The following TRMT11 variants were observed in gnomAD, a reference collection of about 807,000 sequenced individuals.
The protein encoded by TRMT11 is tRNA (guanine(10)-N(2))-methyltransferase TRMT11.
A neutral mutation model predicts 62.8 loss-of-function variants in TRMT11; 53 were observed. The ratio of observed to expected loss-of-function variants is 0.84; its 90% confidence interval spans 0.68 to 1.06. The LOEUF (loss-of-function observed/expected upper bound fraction) is 1.06, where lower values mean the gene tolerates loss of function less well. TRMT11 is among the 50% of genes least tolerant of loss of function. The pLI is 0.00. For missense variants in TRMT11, 556 were observed against 553.4 expected (o/e 1.00, Z -0.05); for synonymous variants, 188 against 190.3 (o/e 0.99, Z 0.10).
At chr6:126,034,976 A>G (rs1018599320) in intron 12 of TRMT11, among the ~76,000 whole-genome samples, 1 of 152,128 alleles carries the variant, frequency 6.6e-6, no homozygotes, top group Non-Finnish European at 1.5e-5. Context: ...AGAGTTGAAT[A>G]TCATCGTCTC....
chr6:126,029,052 C>T (rs558994166), intron 12 of TRMT11, among the ~76,000 whole-genome samples: 244 of 152,246 alleles, frequency 1.6e-3, no homozygotes, highest in African/African-American at 5.7e-3. Flanking sequence ...GTGGAATCAA[C>T]ATAATCCTTT....
At chr6:126,100,896 T>G (rs1777392084) in intron 17 of TRMT11, among the ~76,000 whole-genome samples, 1 of 152,248 alleles carries the variant, frequency 6.6e-6, no homozygotes, top group African/African-American at 2.4e-5. Flanking sequence ...GGGGGTGATG[T>G]GAGACAGTGA....
intron 3 of TRMT11, among the ~76,000 whole-genome samples, chr6:126,200,771 T>C (rs1778726387): frequency 6.6e-6 from 1 of 152,132 alleles, no homozygotes; most frequent in Admixed American, 6.6e-5. Context: ...GCCAGGATGG[T>C]TTCAATCTCC....
chr6:126,127,468 A>G (rs1309626654), intron 21 of TRMT11, among the ~76,000 whole-genome samples: 1 of 152,016 alleles, frequency 6.6e-6, no homozygotes, highest in Non-Finnish European at 1.5e-5. Context: ...TTTTTATTTA[A>G]AGAAGAGCCA....
intron 12 of TRMT11, among the ~76,000 whole-genome samples, chr6:126,033,821 G>A (rs973047567): frequency 1.3e-5 from 2 of 152,140 alleles, no homozygotes; most frequent in Admixed American, 1.3e-4. Context: ...AGCCAGCAGA[G>A]GGTAGTGTAC....
intron 17 of TRMT11, among the ~76,000 whole-genome samples, chr6:126,056,512 A>G (rs1304375528): frequency 6.6e-6 from 1 of 152,170 alleles, no homozygotes; most frequent in African/African-American, 2.4e-5. Flanking sequence ...ACCTAAGCAA[A>G]GAATGTGACC....
intron 7 of TRMT11, among the ~76,000 whole-genome samples, chr6:126,000,987 A>G (rs144980007): frequency 6.6e-6 from 1 of 152,212 alleles, no homozygotes; most frequent in Non-Finnish European, 1.5e-5. Flanking sequence ...ATTTGGCCTC[A>G]TTTGTTTTAT....
chr6:126,175,223 A>G (rs1778372030), upstream of TRMT11, among the ~76,000 whole-genome samples: 2 of 152,210 alleles, frequency 1.3e-5, no homozygotes, highest in South Asian at 4.1e-4. Flanking sequence ...TTAGCAATAG[A>G]TCAAGGTATA....
chr6:126,091,756 T>C (rs554112478), intron 17 of TRMT11, among the ~76,000 whole-genome samples: 1 of 152,312 alleles, frequency 6.6e-6, no homozygotes, highest in South Asian at 2.1e-4. Flanking sequence ...TTACATTCTT[T>C]GACATTGAAA....
chr6:126,116,772 T>G (rs1273745142), intron 21 of TRMT11, among the ~76,000 whole-genome samples: 1 of 152,094 alleles, frequency 6.6e-6, no homozygotes, highest in Non-Finnish European at 1.5e-5. Context: ...CATTTAACTT[T>G]ACAAACAGTT....
chr6:126,011,923 C>T (rs1054742578), intron 9 of TRMT11, among the ~76,000 whole-genome samples: 2 of 152,122 alleles, frequency 1.3e-5, no homozygotes, highest in African/African-American at 2.4e-5. Context: ...AACCACTGGG[C>T]CTGTGAACCT....
chr6:126,217,648 G>A, the TRMT11 span, among the ~76,000 whole-genome samples: 3 of 152,172 alleles, frequency 2.0e-5, no homozygotes, highest in Admixed American at 1.3e-4. Context: ...GGTGACACAA[G>A]CACCCCTGTA....
chr6:125,989,195 C>G (rs921861784), intron 1 of TRMT11, among the ~76,000 whole-genome samples: 5 of 137,472 alleles, frequency 3.6e-5, no homozygotes, highest in Non-Finnish European at 1.5e-5. Flanking sequence ...GTGGCGCGGT[C>G]TCGGCTCACT....
chr6:126,037,552 A>C (rs1176493950), intron 12 of TRMT11, among the ~76,000 whole-genome samples: 4 of 152,092 alleles, frequency 2.6e-5, no homozygotes, highest in South Asian at 2.1e-4. Flanking sequence ...ATAAAATTTC[A>C]GTAGCTACCT....
chr6:126,198,487 A>G (rs910379422), intron 1 of TRMT11, among the ~76,000 whole-genome samples: 2 of 152,040 alleles, frequency 1.3e-5, no homozygotes, highest in Non-Finnish European at 2.9e-5. Flanking sequence ...ATGGATTCCC[A>G]CCTGAACCTG....
At chr6:126,056,422 T>C (rs1391472508) in intron 17 of TRMT11, among the ~76,000 whole-genome samples, 2 of 152,132 alleles carry the variant, frequency 1.3e-5, no homozygotes, top group Admixed American at 6.6e-5. Context: ...AAAAGGTAGA[T>C]TTATTTTCTG....
At chr6:126,075,035 T>G (rs1412829877) in intron 17 of TRMT11, among the ~76,000 whole-genome samples, 2 of 152,176 alleles carry the variant, frequency 1.3e-5, no homozygotes, top group Non-Finnish European at 2.9e-5. Flanking sequence ...CAAAAAATCA[T>G]TTTAACATAA....
At position 126,151,937 on chromosome 6, in the gene TRMT11, T is replaced by TTCTTTCTTTC. The variant is rs1376995092; in HGVS notation, c.*1824-22879_*1824-22878insCTCTTTCTTT. On this transcript the variant is annotated intron_variant and NMD_transcript_variant, in intron 21 of 22. Coordinates refer to the TRMT11 transcript ENST00000648977. ...TTTCTTTCTTTCTTTCTTTCTTTCT[T>TTCTTTCTTTC]TCTTTCTTTTCTTTCTTTCTTTTCT... Among the ~76,000 whole-genome samples, 10 of 109,716 alleles carry TTCTTTCTTTC rather than the reference T, an allele frequency of 9.1e-5. 2 individuals carry two copies. The highest frequency in any genetic ancestry group is 1.8e-4 in the Admixed American group (2 of 11,334). 72.0% of individuals were successfully genotyped at this position (109,716 alleles called of 152,430 possible). A position where few individuals can be genotyped will look rare whatever the true frequency, so the allele number is the denominator to read the frequency against.
rs77600028 is a variant in TRMT11 at position 126,151,257 on chromosome 6, A to T, written c.*1824-23568A>T. ...ACGCTATGATGCCCTTTGAGAAAGA[A>T]CTATATAAATTTCATATTTTAATTT... On this transcript the variant is annotated intron_variant and NMD_transcript_variant, in intron 21 of 22. Transcript: ENST00000648977. Among the ~76,000 whole-genome samples the T allele has an allele frequency of 5.8e-3, 883 of 152,282 alleles. 9 individuals are homozygous for T. Among genetic ancestry groups the T allele is most frequent in the African/African-American group, 0.02 (836 of 41,582 alleles).
Sources: gnomAD v4.1 joint callset for allele counts (sites outside exome capture counted in the v4.1 genomes callset) on GRCh38, gnomAD v4.1.1 for gene constraint, MANE v1.5 for transcripts, NCBI Gene and HGNC (gene_info 2026-07-23, HGNC 2026-07-21) for gene names.